Variants in ALX4 observed in about 807,000 individuals in gnomAD.
The protein encoded by ALX4 is ALX homeobox 4, also known as homeobox protein aristaless-like 4.
A neutral mutation model predicts 40.6 loss-of-function variants in ALX4; 22 were observed. The ratio of observed to expected loss-of-function variants is 0.54; its 90% confidence interval spans 0.39 to 0.77. The LOEUF is 0.77. Among genes scored for constraint, ALX4 ranks in the 30% least tolerant of loss-of-function variants. ALX4 has a pLI of 0.00. For missense variants in ALX4, 556 were observed against 564.8 expected, an observed-to-expected ratio of 0.98 and a Z score of 0.16; for synonymous variants, 266 against 240.5, an observed-to-expected ratio of 1.11 and a Z score of -0.98.
intron 3 of ALX4, among the ~76,000 whole-genome samples, chr11:44,266,562 G>C (rs1956215128): frequency 6.6e-6 from 1 of 152,212 alleles, no homozygotes; most frequent in East Asian, 1.9e-4. Context: ...ACAGAACCAG[G>C]TCAGGGAGAA....
chr11:44,275,766 C>T, intron 1 of ALX4, 108 bp from the exon 2 acceptor site: 1 of 1,054,606 alleles, frequency 9.5e-7, no homozygotes, highest in Non-Finnish European at 1.4e-6. Flanking sequence ...TGCCTTTTTC[C>T]TCTTAGAGCT....
intron 1 of ALX4, among the ~76,000 whole-genome samples, chr11:44,284,458 C>A (rs1048787434): frequency 6.6e-6 from 1 of 152,166 alleles, no homozygotes; most frequent in Admixed American, 6.5e-5. Flanking sequence ...AAATATGGCA[C>A]AAGAAATACT....
intron 1 of ALX4, among the ~76,000 whole-genome samples, chr11:44,295,026 T>A (rs1956395120): frequency 6.6e-6 from 1 of 152,088 alleles, no homozygotes; most frequent in South Asian, 2.1e-4. Flanking sequence ...ATTTTTTGTA[T>A]TTTTAGTAGA....
intron 1 of ALX4, among the ~76,000 whole-genome samples, chr11:44,293,395 A>G (rs1238291111): frequency 7.2e-6 from 1 of 139,222 alleles, no homozygotes; most frequent in African/African-American, 2.7e-5. Context: ...CCTGGCCAAC[A>G]TGGCAAAACC....
At chr11:44,280,518 CT>C (rs1178834193) in intron 1 of ALX4, among the ~76,000 whole-genome samples, 3 of 152,372 alleles carry the variant, frequency 2.0e-5, no homozygotes, top group African/African-American at 7.2e-5. Flanking sequence ...CCTGGAGCAG[CT>C]CCTTGTGGAC....
At chr11:44,304,779 G>T (rs79933376) in intron 1 of ALX4, among the ~76,000 whole-genome samples, 6,118 of 152,338 alleles carry the variant, frequency 0.04, 203 homozygotes, top group Non-Finnish European at 0.057. Flanking sequence ...GCGCCCAGCT[G>T]ATCTTAGAAA....
chr11:44,308,277 T>C (rs987720939), intron 1 of ALX4, among the ~76,000 whole-genome samples: 5 of 152,242 alleles, frequency 3.3e-5, no homozygotes, highest in Non-Finnish European at 4.4e-5. Context: ...GAACTAGTTC[T>C]GCGCCTGTGA....
At position 44,264,931 on chromosome 11, in the gene ALX4, C is replaced by A; in HGVS notation, c.1159G>T (p.Asp387Tyr). Residue 387 changes from aspartate to tyrosine, a missense_variant, in exon 4 of 4, where the codon GAC becomes TAC. Physicochemically the swap from Asp to Tyr is radical, Grantham distance 160. Coordinates refer to ENST00000652299, the MANE Select transcript of ALX4 (RefSeq NM_021926.4). The stretch of plus-strand genomic sequence containing the variant: ...GCCGCGATGCTCGAGGTCTTGCGGT[C>A]CGGCTCGCCGTTGAGCTCGTAGCCA... ...LNGYELNGEP[D>Y]RKTSSIAALR... 3.1e-6 allele frequency: 5 copies of A among 1,613,046 alleles called. No individual in the cohort carries two copies. The highest frequency in any genetic ancestry group is 3.4e-6 in the Non-Finnish European group (4 of 1,179,942).
chr11:44,286,452 A>G (rs1300139257), intron 1 of ALX4, among the ~76,000 whole-genome samples: 1 of 152,162 alleles, frequency 6.6e-6, no homozygotes, highest in Non-Finnish European at 1.5e-5. Flanking sequence ...AACTCCCAGC[A>G]GGCCAAGATC....
chr11:44,291,232 T>TA (rs201621486), intron 1 of ALX4, among the ~76,000 whole-genome samples: 1,574 of 152,236 alleles, frequency 0.01, 25 homozygotes, highest in African/African-American at 0.036. Flanking sequence ...TATATAGACT[T>TA]AAAAAAACTT....
chr11:44,292,499 A>G (rs1191337420), intron 1 of ALX4, among the ~76,000 whole-genome samples: 1 of 151,242 alleles, frequency 6.6e-6, no homozygotes, highest in Non-Finnish European at 1.5e-5. Context: ...GAATACAGGC[A>G]TGAGCCACCA....
intron 1 of ALX4, among the ~76,000 whole-genome samples, chr11:44,304,607 G>C (rs1956455544): frequency 6.6e-6 from 1 of 152,208 alleles, no homozygotes; most frequent in Non-Finnish European, 1.5e-5. Flanking sequence ...GAAGCCCGAA[G>C]CCCGGACAAA....
intron 1 of ALX4, among the ~76,000 whole-genome samples, chr11:44,285,591 G>A (rs1485159966): frequency 6.6e-6 from 1 of 152,016 alleles, no homozygotes; most frequent in Non-Finnish European, 1.5e-5. Flanking sequence ...CAGCTACCAC[G>A]GTGTCCCCTC....
intron 2 of ALX4, among the ~76,000 whole-genome samples, chr11:44,271,131 G>T (rs1358416610): frequency 1.5e-5 from 2 of 132,464 alleles, no homozygotes; most frequent in Non-Finnish European, 3.2e-5. Flanking sequence ...GCAGAGGCAG[G>T]CAGGGGGTTC....
chr11:44,281,369 A>T (rs568975411), intron 1 of ALX4, among the ~76,000 whole-genome samples: 16 of 152,040 alleles, frequency 1.1e-4, no homozygotes, highest in Non-Finnish European at 2.1e-4. Flanking sequence ...GTGGGTGCAG[A>T]TCCGCGTGGG....
intron 2 of ALX4, among the ~76,000 whole-genome samples, chr11:44,272,313 A>T (rs1956252705): frequency 6.6e-6 from 1 of 151,932 alleles, no homozygotes; most frequent in Non-Finnish European, 1.5e-5. Context: ...AAGACCAGCC[A>T]ACCAACATGG....
chr11:44,275,687 C>G (rs775809878), intron 1 of ALX4, 29 bp from the exon 2 acceptor site: 1 of 1,607,574 alleles, frequency 6.2e-7, no homozygotes, highest in South Asian at 1.1e-5. Flanking sequence ...AAGTCAGAAA[C>G]CAATGGTTGA....
At chr11:44,298,797 A>G (rs1956418464) in intron 1 of ALX4, among the ~76,000 whole-genome samples, 1 of 135,630 alleles carries the variant, frequency 7.4e-6, no homozygotes, top group East Asian at 2.0e-4. Flanking sequence ...AACCCTGCAA[A>G]AAAAAAAAAA....
chr11:44,304,156 G>A (rs541749134), intron 1 of ALX4, among the ~76,000 whole-genome samples: 1 of 152,200 alleles, frequency 6.6e-6, no homozygotes, highest in Non-Finnish European at 1.5e-5. Context: ...CACATAGCCG[G>A]GTCCTCGCAG....
Sources: allele counts gnomAD v4.1 joint callset (sites outside exome capture counted in the v4.1 genomes callset), GRCh38; gene constraint gnomAD v4.1.1; transcripts MANE v1.5; gene names NCBI Gene and HGNC (gene_info 2026-07-23, HGNC 2026-07-21).